The following KAT7 variants were observed in gnomAD, a reference collection of about 807,000 sequenced individuals.
KAT7 encodes histone acetyltransferase KAT7.
Under a neutral mutation model 82.1 loss-of-function variants are expected in KAT7, and 10 were observed. The ratio of observed to expected loss-of-function variants is 0.12; its 90% CI spans 0.08 to 0.21. KAT7 has a LOEUF of 0.21. Ranked by LOEUF, KAT7 falls within the 10% of genes least tolerant of loss-of-function variation. The probability of loss-of-function intolerance (pLI) is 1.00; values close to 1 mark genes in which losing one functional copy is unlikely to be tolerated. For missense variants in KAT7, 378 were observed against 760.9 expected, an observed-to-expected ratio of 0.50 and a Z score of 5.92; for synonymous variants, 250 against 262.5, an observed-to-expected ratio of 0.95 and a Z score of 0.46.
chr17:49,803,739 A>G (rs1057278860), intron 4 of KAT7, among the ~76,000 whole-genome samples: 2 of 152,080 alleles, frequency 1.3e-5, no homozygotes, highest in African/African-American at 4.8e-5. Context: ...TTGCATTTTT[A>G]ATAATACAGT....
chr17:49,789,063 C>T (rs551298235), intron 1 of KAT7: 1 of 421,334 alleles, frequency 2.4e-6, no homozygotes, highest in South Asian at 8.0e-5. Context: ...CTCTGCTTGC[C>T]TGGATCGGAG....
intron 11 of KAT7, among the ~76,000 whole-genome samples, chr17:49,822,927 G>C (rs1369827596): frequency 3.9e-5 from 6 of 152,268 alleles, no homozygotes; most frequent in Non-Finnish European, 8.8e-5. Flanking sequence ...TGAGTCAGCA[G>C]TCTTAAACTT....
Position 49,805,370 on chromosome 17 carries a change from T to C in KAT7, c.588T>C (p.Leu196=). 6.2e-7 allele frequency: 1 copy of C among 1,609,250 alleles called. No homozygotes were observed. Among genetic ancestry groups the C allele is most frequent in the South Asian group, 1.1e-5 (1 of 90,932 alleles). ...PTPGCNSLGH[L]TGKHERHFSI... is the part of the protein sequence containing the mutation. ...TTTTCCCTCCTTTAACAGGACACCT[T>C]ACAGGAAAACATGAGAGACATTTCT... is the stretch of plus-strand genomic sequence containing the variant. The change falls in exon 5 of 15, where the codon CTT becomes CTC. Residue 196 remains leucine, a synonymous_variant. Transcript: ENST00000259021.
intron 7 of KAT7, 83 bp from the exon 8 acceptor site, chr17:49,815,719 GT>G: frequency 1.2e-6 from 1 of 842,550 alleles, no homozygotes; most frequent in South Asian, 1.4e-5. Context: ...TGGTTGTGTG[GT>G]TTGCATGGAT....
intron 9 of KAT7, among the ~76,000 whole-genome samples, chr17:49,819,505 G>A (rs1028367121): frequency 6.6e-6 from 1 of 152,020 alleles, no homozygotes; most frequent in Admixed American, 6.6e-5. Flanking sequence ...TTTCCTTTTC[G>A]TTTCTGGTTG....
At chr17:49,815,490 C>T (rs2074222944) in intron 7 of KAT7, 1 of 206,834 alleles carries the variant, frequency 4.8e-6, no homozygotes, top group Non-Finnish European at 9.6e-6. Flanking sequence ...TTTATTTGTA[C>T]TGTCATGTAA....
intron 9 of KAT7, among the ~76,000 whole-genome samples, chr17:49,818,437 A>G (rs900044539): frequency 2.0e-5 from 3 of 152,240 alleles, no homozygotes; most frequent in Non-Finnish European, 4.4e-5. Context: ...CCCAAGAAGT[A>G]TATGTTGAAT....
intron 6 of KAT7, 41 bp downstream of exon 6, chr17:49,809,249 G>A: frequency 1.3e-6 from 2 of 1,485,888 alleles, no homozygotes; most frequent in Non-Finnish European, 1.9e-6. Flanking sequence ...ATAGTTTGAG[G>A]TCCGTTTCTT....
chr17:49,814,883 A>G (rs1598078149), intron 7 of KAT7: 1 of 152,202 alleles, frequency 6.6e-6, no homozygotes, highest in Admixed American at 6.5e-5. Context: ...TTCATATGGT[A>G]ATATGTGTGT....
chr17:49,803,747 A>G (rs1431488031), intron 4 of KAT7, among the ~76,000 whole-genome samples: 3 of 152,132 alleles, frequency 2.0e-5, no homozygotes, highest in Non-Finnish European at 4.4e-5. Flanking sequence ...TTAATAATAC[A>G]GTCCCGGAGA....
chr17:49,811,973 A>G (rs2074171552), intron 7 of KAT7, among the ~76,000 whole-genome samples: 1 of 152,246 alleles, frequency 6.6e-6, no homozygotes, highest in African/African-American at 2.4e-5. Context: ...CCATGATTAA[A>G]AGGTATTAAT....
rs916866581 is a variant in KAT7, at chr17:49,826,202, G to C, written c.1627+56G>C. On this transcript the variant is annotated intron_variant, in intron 13 of 14. Coordinates refer to ENST00000259021, the MANE Select transcript of KAT7 (RefSeq NM_007067.5). ...TGTTACCCAAGAAGTTAACTCTACTGGGTATTGTGTTTCCCCTGAATGTGA... is the reference window on the plus strand; with the variant it reads ...TGTTACCCAAGAAGTTAACTCTACTCGGTATTGTGTTTCCCCTGAATGTGA... The C allele has an allele frequency of 3.2e-6, 5 of 1,541,486 alleles. No individual in the cohort carries two copies. In the African/African-American group the frequency reaches 5.5e-5, roughly 17 times the overall value.
chr17:49,801,032 A>G (rs1437203782), intron 4 of KAT7, among the ~76,000 whole-genome samples: 1 of 152,176 alleles, frequency 6.6e-6, no homozygotes, highest in Non-Finnish European at 1.5e-5. Context: ...AGAGGCCAAT[A>G]TACCTGGGGC....
intron 8 of KAT7, 56 bp from the exon 9 acceptor site, chr17:49,817,763 TA>T: frequency 6.8e-7 from 1 of 1,470,166 alleles, no homozygotes; most frequent in Non-Finnish European, 9.4e-7. Context: ...GTGCCCTGTC[TA>T]AAAGCAAAGA....
chr17:49,818,087 T>C, intron 9 of KAT7, 76 bp downstream of exon 9: 1 of 1,218,570 alleles, frequency 8.2e-7, no homozygotes, highest in Non-Finnish European at 1.2e-6. Context: ...GCCATAGCGA[T>C]GGCATCTGTT....
chr17:49,788,828 G>A lies in KAT7; in HGVS notation c.-7G>A, dbSNP rs967244751. 3 of 1,583,360 alleles carry A rather than the reference G, an allele frequency of 1.9e-6. No individual in the cohort carries two copies. Among genetic ancestry groups the A allele is most frequent in the East Asian group, 2.4e-5 (1 of 42,338 alleles). On this transcript the variant is annotated 5_prime_UTR_variant, in exon 1 of 15. Transcript: ENST00000259021. ...GAATCGGAACCGTCGGGCCGCAGCC[G>A]CCGGCAATGCCGCGAAGGAAGGTGA...
At chr17:49,790,814 A>G (rs2073878018) in intron 1 of KAT7, among the ~76,000 whole-genome samples, 1 of 152,226 alleles carries the variant, frequency 6.6e-6, no homozygotes, top group Admixed American at 6.5e-5. Flanking sequence ...TCTAAACACA[A>G]CTGGCCCTCA....
At position 49,829,387 on chromosome 17, in the gene KAT7, C is replaced by A. The variant is rs1440456381; in HGVS notation, c.*1885C>A. The A allele has an allele frequency of 6.6e-6, 1 of 152,146 alleles. No homozygotes were observed. Among genetic ancestry groups the A allele is most frequent in the Non-Finnish European group, 1.5e-5 (1 of 68,034 alleles). 9.4% of individuals were successfully genotyped at this position (152,146 alleles called of 1,614,324 possible). A position where few individuals can be genotyped will look rare whatever the true frequency, so the allele number is the denominator to read the frequency against. On this transcript the variant is annotated 3_prime_UTR_variant, in exon 15 of 15. Transcript: ENST00000259021. ...GTATTACCCATTCTTTCACTAAGTG[C>A]CATTTTCCACTGATTTTAGGGGCAA... is the stretch of plus-strand genomic sequence containing the variant.
chr17:49,825,280 A>G (rs767626664), intron 12 of KAT7, among the ~76,000 whole-genome samples: 6 of 152,196 alleles, frequency 3.9e-5, no homozygotes, highest in Non-Finnish European at 5.9e-5. Context: ...TACACCCCGC[A>G]CTATCTCATA....
Sources: gnomAD v4.1 joint callset for allele counts (sites outside exome capture counted in the v4.1 genomes callset) on GRCh38, gnomAD v4.1.1 for gene constraint, MANE v1.5 for transcripts, NCBI Gene and HGNC (gene_info 2026-07-23, HGNC 2026-07-21) for gene names.